PPM1B: variants seen among roughly 807,000 people sequenced by gnomAD.
PPM1B encodes protein phosphatase, Mg2+/Mn2+ dependent 1B, also known as protein phosphatase 1B.
A neutral mutation model predicts 43.0 loss-of-function variants in PPM1B; 22 were observed. That is an observed-to-expected ratio of 0.51 (90% CI 0.37 to 0.73). The LOEUF is 0.73. PPM1B is among the 30% of genes least tolerant of loss of function. The probability of loss-of-function intolerance (pLI) is 0.00; values close to 1 mark genes in which losing one functional copy is unlikely to be tolerated. For synonymous variants in PPM1B, 217 were observed against 197.9 expected (o/e 1.10, Z -0.81); for missense variants, 632 against 584.2 (o/e 1.08, Z -0.84).
At chr2:44,217,305 A>G (rs1669767100) in intron 3 of PPM1B, among the ~76,000 whole-genome samples, 1 of 151,838 alleles carries the variant, frequency 6.6e-6, no homozygotes, top group Admixed American at 6.6e-5. Context: ...AGGCTGAGGC[A>G]GGAGAATTGC....
At chr2:44,202,101 G>A in intron 2 of PPM1B, 56 bp downstream of exon 2, 1 of 1,425,058 alleles carries the variant, frequency 7.0e-7, no homozygotes, top group East Asian at 2.4e-5. Context: ...AGTTACGGTA[G>A]GTAAAGTTAA....
intron 5 of PPM1B, chr2:44,218,779 TG>T (rs1184807473): frequency 4.4e-6 from 2 of 453,668 alleles, no homozygotes; most frequent in Non-Finnish European, 8.2e-6. Flanking sequence ...CTTTTTTGTT[TG>T]GGCTGTCTTT....
rs1465361879 is a variant in PPM1B, at chr2:44,230,911, C to CTA, written c.*195_*196dup. On this transcript the variant is annotated 3_prime_UTR_variant, in exon 6 of 6. Coordinates refer to ENST00000282412, the MANE Select transcript of PPM1B (RefSeq NM_002706.6). Reference sequence around the variant, plus strand: ...AGTGTAAAATTGACTATTTATAGTACTATGGATTTAATGAAATTATATGTC... The same window carrying CTA: ...AGTGTAAAATTGACTATTTATAGTACTATATGGATTTAATGAAATTATATGTC... The CTA allele has an allele frequency of 8.9e-6, 11 of 1,233,906 alleles. No individual in the cohort carries two copies. The highest frequency in any genetic ancestry group is 1.1e-5 in the Non-Finnish European group (11 of 970,316). 76.4% of individuals were successfully genotyped at this position (1,233,906 alleles called of 1,614,324 possible). A position where few individuals can be genotyped will look rare whatever the true frequency, so the allele number is the denominator to read the frequency against.
chr2:44,177,819 CTT>C (rs1451586088), intron 1 of PPM1B, among the ~76,000 whole-genome samples: 1 of 150,218 alleles, frequency 6.7e-6, no homozygotes. Context: ...GTTCTTGTCA[CTT>C]AATATTTTTG....
At chr2:44,212,720 C>T (rs1669532988) in intron 3 of PPM1B, among the ~76,000 whole-genome samples, 1 of 151,986 alleles carries the variant, frequency 6.6e-6, no homozygotes, top group Non-Finnish European at 1.5e-5. Context: ...TAAAAAATTC[C>T]GTTTAGTAGG....
At chr2:44,210,973 T>G (rs144180970) in intron 3 of PPM1B, among the ~76,000 whole-genome samples, 246 of 152,126 alleles carry the variant, frequency 1.6e-3, no homozygotes, top group African/African-American at 3.9e-3. Flanking sequence ...CCATCTGTAC[T>G]AAAAATACAA....
intron 5 of PPM1B, among the ~76,000 whole-genome samples, chr2:44,225,860 T>C (rs961644427): frequency 6.6e-6 from 1 of 151,930 alleles, no homozygotes. Flanking sequence ...TTCACCATGT[T>C]GATCAGGCTA....
chr2:44,233,053 A>G (rs1670513851), downstream of PPM1B: 2 of 981,980 alleles, frequency 2.0e-6, no homozygotes, highest in Non-Finnish European at 2.4e-6. Flanking sequence ...GGATTAATTT[A>G]TGGCTATTTA....
intron 1 of PPM1B, among the ~76,000 whole-genome samples, chr2:44,191,659 A>C (rs1668409351): frequency 6.6e-6 from 1 of 152,184 alleles, no homozygotes; most frequent in Admixed American, 6.5e-5. Flanking sequence ...TTGTATCAGC[A>C]TTATTGTATG....
chr2:44,244,118 A>C (rs1367228262), intron 5 of PPM1B: 1 of 409,260 alleles, frequency 2.4e-6, no homozygotes, highest in African/African-American at 2.2e-5. Context: ...GTATATTTTA[A>C]ATGTATACCT....
chr2:44,208,206 T>C (rs1669286860), intron 2 of PPM1B, among the ~76,000 whole-genome samples: 1 of 151,990 alleles, frequency 6.6e-6, no homozygotes, highest in African/African-American at 2.4e-5. Context: ...CTTTTTAACA[T>C]AGGTAATTTG....
intron 1 of PPM1B, among the ~76,000 whole-genome samples, chr2:44,191,170 T>C (rs1668386373): frequency 6.6e-6 from 1 of 152,214 alleles, no homozygotes; most frequent in Non-Finnish European, 1.5e-5. Context: ...TTGCCACATA[T>C]TCATGTATGT....
At chr2:44,233,486 G>A (rs1558435247), downstream of PPM1B, 3 of 984,556 alleles carry the variant, frequency 3.0e-6, no homozygotes, top group Non-Finnish European at 3.6e-6. Flanking sequence ...GAAGAGTAAA[G>A]TATTTATCTG....
downstream of PPM1B, chr2:44,233,635 A>G: frequency 1.0e-6 from 1 of 985,778 alleles, no homozygotes; most frequent in Non-Finnish European, 1.2e-6. Context: ...GTGTAGTTAA[A>G]ATGAGTCATC....
downstream of PPM1B, chr2:44,233,016 T>A: frequency 1.0e-6 from 1 of 983,178 alleles, no homozygotes; most frequent in Non-Finnish European, 1.2e-6. Flanking sequence ...CCTTCAACTC[T>A]CACTAGAAAA....
chr2:44,203,582 TGTG>T (rs1340430731), intron 2 of PPM1B, among the ~76,000 whole-genome samples: 2 of 152,172 alleles, frequency 1.3e-5, no homozygotes, highest in African/African-American at 4.8e-5. Context: ...CTTTCATTGT[TGTG>T]GTGTATATTG....
At chr2:44,234,118 T>C (rs1396125088), downstream of PPM1B, 29 of 966,232 alleles carry the variant, frequency 3.0e-5, no homozygotes, top group Non-Finnish European at 3.4e-5. Context: ...AAACTTCTTA[T>C]ATGGTTGGCA....
intron 1 of PPM1B, among the ~76,000 whole-genome samples, chr2:44,199,398 A>G (rs750100156): frequency 2.1e-4 from 32 of 151,024 alleles, no homozygotes; most frequent in Middle Eastern, 7.0e-3. Context: ...CTGAAGCAGG[A>G]GAATGGCTTG....
chr2:44,228,186 C>CT (rs1670307802), intron 5 of PPM1B, among the ~76,000 whole-genome samples: 2 of 99,166 alleles, frequency 2.0e-5, no homozygotes, highest in African/African-American at 7.1e-5. Context: ...CCTAACAAGC[C>CT]CTTTTTTTTT....
Sources: gnomAD v4.1 joint callset for allele counts (sites outside exome capture counted in the v4.1 genomes callset) on GRCh38, gnomAD v4.1.1 for gene constraint, MANE v1.5 for transcripts, NCBI Gene and HGNC (gene_info 2026-07-23, HGNC 2026-07-21) for gene names.